The following NDST3 variants were observed in gnomAD, a reference collection of about 807,000 sequenced individuals.
The protein encoded by NDST3 is N-deacetylase and N-sulfotransferase 3, also known as bifunctional heparan sulfate N-deacetylase/N-sulfotransferase 3.
In NDST3, 58 loss-of-function variants were observed where a neutral mutation model predicts 96.1. That is an observed-to-expected ratio of 0.60 (90% CI 0.49 to 0.75). The LOEUF is 0.75. Among genes scored for constraint, NDST3 ranks in the 30% least tolerant of loss-of-function variants. The pLI is 0.00. For synonymous variants in NDST3, 333 were observed against 359.7 expected (o/e 0.93, Z 0.84); for missense variants, 788 against 1,034.2 (o/e 0.76, Z 3.27).
chr4:118,239,533 C>A (rs1238689672), intron 10 of NDST3, among the ~76,000 whole-genome samples: 1 of 152,062 alleles, frequency 6.6e-6, no homozygotes, highest in Non-Finnish European at 1.5e-5. Context: ...ACCTTTTCCA[C>A]CAAGTATCTG....
At chr4:118,207,146 TACACACACACACAC>T (rs67300451) in intron 6 of NDST3, among the ~76,000 whole-genome samples, 70,316 of 128,760 alleles carry the variant, frequency 0.55, 24,948 homozygotes, top group South Asian at 0.76. Context: ...TCTGGAAGAA[TACACACACACACAC>T]ACACACACAC....
At chr4:118,142,790 A>C (rs1342446442) in intron 5 of NDST3, among the ~76,000 whole-genome samples, 2 of 152,170 alleles carry the variant, frequency 1.3e-5, no homozygotes, top group Non-Finnish European at 2.9e-5. Flanking sequence ...CTTCTTTTAT[A>C]ATTGCAAAAG....
intron 1 of NDST3, among the ~76,000 whole-genome samples, chr4:118,036,802 A>G (rs1381644359): frequency 6.6e-6 from 1 of 152,200 alleles, no homozygotes; most frequent in Non-Finnish European, 1.5e-5. Flanking sequence ...AGTAGTCAGG[A>G]CCTACTACAA....
At chr4:118,063,220 G>A (rs953250684) in intron 2 of NDST3, among the ~76,000 whole-genome samples, 1 of 147,200 alleles carries the variant, frequency 6.8e-6, no homozygotes, top group African/African-American at 2.5e-5. Context: ...CTGATGCAAT[G>A]AATCCAACCC....
chr4:118,088,706 G>A (rs1728629960), intron 2 of NDST3, among the ~76,000 whole-genome samples: 2 of 151,966 alleles, frequency 1.3e-5, no homozygotes, highest in African/African-American at 2.4e-5. Context: ...TTTTCATGAA[G>A]GGTCTTTCTA....
At chr4:118,155,097 G>C (rs1734638473) in intron 6 of NDST3, among the ~76,000 whole-genome samples, 1 of 152,042 alleles carries the variant, frequency 6.6e-6, no homozygotes, top group Non-Finnish European at 1.5e-5. Context: ...TTATAAAATG[G>C]TAAGACTTTT....
chr4:118,091,309 A>C (rs1049050271), intron 2 of NDST3, among the ~76,000 whole-genome samples: 9 of 151,868 alleles, frequency 5.9e-5, no homozygotes, highest in Admixed American at 5.9e-4. Flanking sequence ...TGGAAAAAAA[A>C]ATTTAGGGAT....
intron 12 of NDST3, among the ~76,000 whole-genome samples, chr4:118,246,763 C>T (rs946387346): frequency 2.0e-5 from 3 of 152,192 alleles, no homozygotes; most frequent in Middle Eastern, 3.4e-3. Flanking sequence ...ATGCCAGATG[C>T]TTATAAAACC....
intron 2 of NDST3, among the ~76,000 whole-genome samples, chr4:118,078,207 T>C (rs1039314718): frequency 6.6e-6 from 1 of 152,142 alleles, no homozygotes; most frequent in Non-Finnish European, 1.5e-5. Flanking sequence ...CTCTCTGCTC[T>C]CTATGTCTCC....
At chr4:118,100,872 T>C (rs1729706920) in intron 2 of NDST3, among the ~76,000 whole-genome samples, 1 of 152,208 alleles carries the variant, frequency 6.6e-6, no homozygotes, top group African/African-American at 2.4e-5. Flanking sequence ...GGAGGAGGTA[T>C]GAGTGCGTGT....
chr4:118,053,891 T>C lies in NDST3; in HGVS notation c.-20T>C, dbSNP rs1186842301. ...TTTTATGGTGCTTCTGTTGGCATAG[T>C]TGGGGAAAGCACCTACAACATGAGT... On this transcript the variant is annotated 5_prime_UTR_variant, in exon 2 of 14. Transcript: ENST00000296499. 1 of 1,562,380 alleles carries C rather than the reference T, an allele frequency of 6.4e-7. No individual in the cohort carries two copies. Among genetic ancestry groups the C allele is most frequent in the Non-Finnish European group, 8.7e-7 (1 of 1,155,598 alleles).
chr4:118,048,803 A>G (rs1724913262), intron 1 of NDST3, among the ~76,000 whole-genome samples: 1 of 152,150 alleles, frequency 6.6e-6, no homozygotes, highest in African/African-American at 2.4e-5. Flanking sequence ...CCCCACTCAC[A>G]ATGTTAGACA....
chr4:118,154,772 C>A (rs1370979641), intron 6 of NDST3, among the ~76,000 whole-genome samples: 2 of 152,186 alleles, frequency 1.3e-5, no homozygotes, highest in Non-Finnish European at 2.9e-5. Context: ...TCCTGACTCT[C>A]AGTTCACCAC....
intron 6 of NDST3, among the ~76,000 whole-genome samples, chr4:118,208,902 T>C (rs960729460): frequency 6.9e-6 from 1 of 144,510 alleles, no homozygotes; most frequent in African/African-American, 2.6e-5. Context: ...AAAATAAATA[T>C]ATTTGTTTGG....
intron 8 of NDST3, among the ~76,000 whole-genome samples, chr4:118,229,575 C>T (rs546414598): frequency 1.3e-5 from 2 of 152,238 alleles, no homozygotes; most frequent in South Asian, 2.1e-4. Context: ...ATGCCTTTTA[C>T]TGACTATGCA....
chr4:118,174,487 C>G (rs765275246), intron 6 of NDST3, among the ~76,000 whole-genome samples: 5 of 152,074 alleles, frequency 3.3e-5, no homozygotes, highest in South Asian at 4.1e-4. Flanking sequence ...ATTTATAATT[C>G]TGTACAGCTG....
chr4:118,087,301 C>A (rs78918841), intron 2 of NDST3, among the ~76,000 whole-genome samples: 1 of 152,088 alleles, frequency 6.6e-6, no homozygotes, highest in African/African-American at 2.4e-5. Context: ...TCTCAAAAAG[C>A]TTTTACATAT....
chr4:118,124,740 C>T (rs1335186460), intron 4 of NDST3, among the ~76,000 whole-genome samples: 1 of 152,078 alleles, frequency 6.6e-6, no homozygotes, highest in African/African-American at 2.4e-5. Flanking sequence ...ACACTCATCT[C>T]TTTTCCGGAG....
chr4:118,205,782 T>C (rs560424882), intron 6 of NDST3, among the ~76,000 whole-genome samples: 1 of 143,400 alleles, frequency 7.0e-6, no homozygotes, highest in South Asian at 2.4e-4. Flanking sequence ...AGGTTCTTCT[T>C]ATAGGTGATG....
Sources: gnomAD v4.1 joint callset for allele counts (sites outside exome capture counted in the v4.1 genomes callset) on GRCh38, gnomAD v4.1.1 for gene constraint, MANE v1.5 for transcripts, NCBI Gene and HGNC (gene_info 2026-07-23, HGNC 2026-07-21) for gene names.